PKHD1: variants seen among roughly 807,000 people sequenced by gnomAD.
PKHD1 encodes the protein PKHD1 ciliary IPT domain containing fibrocystin/polyductin.
Under a neutral mutation model 412.0 loss-of-function variants are expected in PKHD1, and 291 were observed. The observed-to-expected ratio is 0.71, with a 90% CI of 0.64 to 0.78. PKHD1 has a LOEUF of 0.78. Ranked by LOEUF, PKHD1 falls within the 30% of genes least tolerant of loss-of-function variation. The probability of loss-of-function intolerance (pLI) is 0.00; values close to 1 mark genes in which losing one functional copy is unlikely to be tolerated. For synonymous variants in PKHD1, 1,777 were observed against 1,821.5 expected (o/e 0.98, Z 0.62); for missense variants, 4,825 against 4,950.7 (o/e 0.97, Z 0.76).
intron 61 of PKHD1, among the ~76,000 whole-genome samples, chr6:51,653,124 T>C (rs1043256215): frequency 2.6e-5 from 4 of 152,170 alleles, no homozygotes; most frequent in African/African-American, 9.6e-5. Flanking sequence ...TGTACAAATG[T>C]TGTTCAAGGC....
chr6:52,048,437 AATGTGAGTGAGAAT>A (rs1806208389), intron 23 of PKHD1, 41 bp downstream of exon 23: 3 of 1,556,802 alleles, frequency 1.9e-6, no homozygotes, highest in Non-Finnish European at 1.8e-6. Flanking sequence ...TTCCCTTGGG[AATGTGAGTGAGAAT>A]ATGTGAGTGA....
chr6:52,036,172 C>A (rs1365339520), intron 27 of PKHD1, among the ~76,000 whole-genome samples: 1 of 152,202 alleles, frequency 6.6e-6, no homozygotes, highest in Non-Finnish European at 1.5e-5. Flanking sequence ...CAGGTCATTG[C>A]AGTATGGTCC....
chr6:51,989,903 G>GGAAAGAAGGAAA (rs1796702484), intron 35 of PKHD1, among the ~76,000 whole-genome samples: 1 of 47,954 alleles, frequency 2.1e-5, no homozygotes, highest in African/African-American at 8.4e-5. Flanking sequence ...GAAGGAGGGA[G>GGAAAGAAGGAAA]GAAGGAAGGA....
chr6:51,697,179 C>CAAATAAATAAATAAAT (rs61327011), intron 60 of PKHD1, among the ~76,000 whole-genome samples: 5 of 150,658 alleles, frequency 3.3e-5, no homozygotes, highest in African/African-American at 1.2e-4. Context: ...GACTCCGTCT[C>CAAATAAATAAATAAAT]AAATAAATAA....
At position 51,982,805 on chromosome 6, in the gene PKHD1, A is replaced by AT. The variant is rs1219630958; in HGVS notation, c.5752-22780dup. On this transcript the variant is annotated intron_variant, in intron 35 of 66. Coordinates refer to ENST00000371117, the MANE Select transcript of PKHD1 (RefSeq NM_138694.4). ...TGCGAGAAACACCCAAGAATGATCAATAAAAAAAAAAATAATAATAATAAA... is the reference window on the plus strand; with the variant it reads ...TGCGAGAAACACCCAAGAATGATCAATTAAAAAAAAAAATAATAATAATAAA... 5.5e-5 allele frequency among the ~76,000 whole-genome samples: 7 copies of AT among 127,362 alleles called. No homozygotes were observed. In the Admixed American group the frequency reaches 5.8e-4, roughly 11 times the overall value. 83.6% of individuals were successfully genotyped at this position (127,362 alleles called of 152,430 possible).
At chr6:51,634,447 T>A (rs1191504950) in intron 64 of PKHD1, among the ~76,000 whole-genome samples, 1 of 152,204 alleles carries the variant, frequency 6.6e-6, no homozygotes, top group African/African-American at 2.4e-5. Context: ...AGACTTTACT[T>A]GGGATTTACA....
intron 34 of PKHD1, among the ~76,000 whole-genome samples, chr6:52,015,588 G>A (rs1800420803): frequency 6.6e-6 from 1 of 151,852 alleles, no homozygotes; most frequent in Non-Finnish European, 1.5e-5. Context: ...ACTTTGGGAG[G>A]CTGAGGTGGG....
chr6:51,915,675 C>G (rs1783666792), intron 37 of PKHD1, among the ~76,000 whole-genome samples: 1 of 151,826 alleles, frequency 6.6e-6, no homozygotes, highest in Admixed American at 6.6e-5. Context: ...TAAATGAAAG[C>G]CCACACCCTC....
chr6:51,906,627 T>C (rs370597559), intron 40 of PKHD1, among the ~76,000 whole-genome samples: 10 of 152,258 alleles, frequency 6.6e-5, no homozygotes, highest in African/African-American at 2.4e-4. Flanking sequence ...TGTCAAGATT[T>C]CCAACTGGCT....
At chr6:51,674,075 G>T (rs1251570632) in intron 60 of PKHD1, among the ~76,000 whole-genome samples, 1 of 152,176 alleles carries the variant, frequency 6.6e-6, no homozygotes. Flanking sequence ...AAAACATATT[G>T]CATCCTTATA....
intron 63 of PKHD1, among the ~76,000 whole-genome samples, chr6:51,643,844 C>CT (rs907237068): frequency 2.6e-5 from 4 of 151,696 alleles, no homozygotes; most frequent in Admixed American, 1.3e-4. Flanking sequence ...TCTCCTTCCC[C>CT]CTTAGTCCTC....
intron 35 of PKHD1, among the ~76,000 whole-genome samples, chr6:52,009,536 A>G (rs1470178075): frequency 6.6e-6 from 1 of 152,212 alleles, no homozygotes; most frequent in Non-Finnish European, 1.5e-5. Context: ...AACTGCTTTC[A>G]TAAAGAGAAA....
chr6:51,746,106 A>T (rs1785163015), intron 59 of PKHD1, among the ~76,000 whole-genome samples: 1 of 152,178 alleles, frequency 6.6e-6, no homozygotes, highest in African/African-American at 2.4e-5. Flanking sequence ...GGCATAAAAA[A>T]ATCCTATCTA....
chr6:51,950,554 C>T (rs1256234926), intron 36 of PKHD1, among the ~76,000 whole-genome samples: 1 of 152,130 alleles, frequency 6.6e-6, no homozygotes, highest in Non-Finnish European at 1.5e-5. Flanking sequence ...TGTCTTAAAA[C>T]ACAGACTACT....
At chr6:52,023,179 G>A (rs377205784) in intron 32 of PKHD1, among the ~76,000 whole-genome samples, 56 of 151,854 alleles carry the variant, frequency 3.7e-4, no homozygotes, top group African/African-American at 1.3e-3. Context: ...TTTTTTTAAT[G>A]TAACAATTTT....
intron 37 of PKHD1, among the ~76,000 whole-genome samples, chr6:51,924,746 T>A (rs1653790587): frequency 6.6e-6 from 1 of 152,126 alleles, no homozygotes; most frequent in African/African-American, 2.4e-5. Context: ...AAAGGAGGTA[T>A]CAAGAATGAC....
At chr6:51,993,267 C>T (rs1170541916) in intron 35 of PKHD1, among the ~76,000 whole-genome samples, 1 of 152,198 alleles carries the variant, frequency 6.6e-6, no homozygotes, top group Non-Finnish European at 1.5e-5. Flanking sequence ...TCCAGCCTGG[C>T]CAGAGCTCCC....
At chr6:51,958,030 T>G (rs1276460379) in intron 36 of PKHD1, among the ~76,000 whole-genome samples, 1 of 152,160 alleles carries the variant, frequency 6.6e-6, no homozygotes, top group Admixed American at 6.6e-5. Context: ...CATTCACAAA[T>G]TATCTGTTGA....
intron 41 of PKHD1, 86 bp from the exon 42 acceptor site, chr6:51,904,128 G>A: frequency 1.1e-6 from 1 of 896,442 alleles, no homozygotes; most frequent in Non-Finnish European, 1.9e-6. Context: ...CTTTGGGTGT[G>A]GGTTGTTTTG....
Sources: allele counts gnomAD v4.1 joint callset (sites outside exome capture counted in the v4.1 genomes callset), GRCh38; gene constraint gnomAD v4.1.1; transcripts MANE v1.5; gene names NCBI Gene and HGNC (gene_info 2026-07-23, HGNC 2026-07-21).